ZYG11B: variants seen among roughly 807,000 people sequenced by gnomAD.
ZYG11B encodes zyg-11 family member B, cell cycle regulator, also known as protein zyg-11 homolog B.
In ZYG11B, 36 loss-of-function variants were observed where a neutral mutation model predicts 82.4. The ratio of observed to expected loss-of-function variants is 0.44; its 90% confidence interval spans 0.33 to 0.58. The LOEUF is 0.58. ZYG11B is among the 20% of genes least tolerant of loss of function. The pLI, the probability that ZYG11B is intolerant of heterozygous loss-of-function variation, is 0.02. For synonymous variants in ZYG11B, 303 were observed against 312.8 expected, an observed-to-expected ratio of 0.97 and a Z score of 0.33; for missense variants, 552 against 895.6, an observed-to-expected ratio of 0.62 and a Z score of 4.90.
At chr1:52,778,167 G>A (rs1468520327) in intron 3 of ZYG11B, among the ~76,000 whole-genome samples, 1 of 152,140 alleles carries the variant, frequency 6.6e-6, no homozygotes, top group Non-Finnish European at 1.5e-5. Flanking sequence ...AAAACAATTT[G>A]ATGTCTTTTG....
chr1:52,822,270 G>A lies in ZYG11B; in HGVS notation c.*641G>A, dbSNP rs1645289584. 2 of 152,178 alleles carry A rather than the reference G, an allele frequency of 1.3e-5. No individual in the cohort carries two copies. The highest frequency in any genetic ancestry group is 1.9e-4 in the East Asian group (1 of 5,196). 9.4% of individuals were successfully genotyped at this position (152,178 alleles called of 1,614,324 possible). On this transcript the variant is annotated 3_prime_UTR_variant, in exon 14 of 14. Transcript: ENST00000294353. ...TTTAAAATGAGACAGGCTACCCTTC[G>A]GGAGTCCACCTCTCTTGAGGCGGTG... is the stretch of plus-strand genomic sequence containing the variant.
At chr1:52,729,762 C>G (rs1644314522) in intron 1 of ZYG11B, among the ~76,000 whole-genome samples, 1 of 151,936 alleles carries the variant, frequency 6.6e-6, no homozygotes, top group East Asian at 1.9e-4. Context: ...ATCACTTGAA[C>G]CCAGGAGGTG....
intron 12 of ZYG11B, among the ~76,000 whole-genome samples, chr1:52,814,209 C>T (rs1571801425): frequency 6.6e-6 from 1 of 152,072 alleles, no homozygotes; most frequent in Non-Finnish European, 1.5e-5. Context: ...TTAGTAGAGA[C>T]GAGGTTTCAC....
intron 8 of ZYG11B, among the ~76,000 whole-genome samples, chr1:52,797,316 TATA>T (rs1447033376): frequency 1.1e-4 from 9 of 85,280 alleles, no homozygotes; most frequent in African/African-American, 4.1e-4. Flanking sequence ...AATATATACA[TATA>T]ATATATATAT....
intron 1 of ZYG11B, among the ~76,000 whole-genome samples, chr1:52,753,979 C>T (rs375431024): frequency 2.6e-5 from 4 of 151,982 alleles, no homozygotes; most frequent in Admixed American, 1.3e-4. Flanking sequence ...GATCTGTCTG[C>T]CTCGGCCTCC....
intron 8 of ZYG11B, 123 bp downstream of exon 8, chr1:52,796,907 T>TA (rs1645012492): frequency 9.6e-6 from 1 of 104,112 alleles, no homozygotes; most frequent in African/African-American, 5.3e-5. Flanking sequence ...TAATTATATA[T>TA]ATATTATATA....
chr1:52,817,805 A>T (rs1558145323), intron 13 of ZYG11B, among the ~76,000 whole-genome samples: 2 of 40,428 alleles, frequency 4.9e-5, no homozygotes, highest in African/African-American at 1.0e-4. Flanking sequence ...ATATATATAT[A>T]TATATATATA....
At chr1:52,819,499 C>T (rs1185058649) in intron 13 of ZYG11B, among the ~76,000 whole-genome samples, 2 of 152,008 alleles carry the variant, frequency 1.3e-5, no homozygotes, top group Non-Finnish European at 2.9e-5. Flanking sequence ...AATAATAGTG[C>T]ATTTTTGGCT....
intron 10 of ZYG11B, chr1:52,805,626 G>T (rs1645135678): frequency 5.4e-6 from 2 of 369,208 alleles, no homozygotes; most frequent in Non-Finnish European, 1.1e-5. Flanking sequence ...GCGGTCAGGA[G>T]TTCAAGACCA....
At chr1:52,734,833 A>G (rs1644364980) in intron 1 of ZYG11B, among the ~76,000 whole-genome samples, 1 of 150,936 alleles carries the variant, frequency 6.6e-6, no homozygotes, top group Admixed American at 6.6e-5. Context: ...GGTTCAAACG[A>G]TTTTCCTGCC....
chr1:52,815,777 A>G (rs1357692718), intron 12 of ZYG11B, among the ~76,000 whole-genome samples: 2 of 152,030 alleles, frequency 1.3e-5, no homozygotes, highest in Non-Finnish European at 2.9e-5. Flanking sequence ...TACTAAAAAT[A>G]CAAAAAAATT....
chr1:52,749,183 A>G (rs1466848765), intron 1 of ZYG11B, among the ~76,000 whole-genome samples: 1 of 152,182 alleles, frequency 6.6e-6, no homozygotes, highest in African/African-American at 2.4e-5. Context: ...AGCTTGGACA[A>G]CAAGTGCCAA....
chr1:52,746,206 C>T (rs890232290), intron 1 of ZYG11B, among the ~76,000 whole-genome samples: 4 of 152,080 alleles, frequency 2.6e-5, no homozygotes, highest in East Asian at 3.9e-4. Flanking sequence ...CCCGCCTTGG[C>T]CCCCCAAAAC....
chr1:52,800,346 A>T (rs952619343), intron 8 of ZYG11B, among the ~76,000 whole-genome samples: 1 of 151,996 alleles, frequency 6.6e-6, no homozygotes, highest in African/African-American at 2.4e-5. Context: ...TATAATATAC[A>T]TTAGATAAGT....
rs781624927 is a variant in ZYG11B at position 52,735,036 on chromosome 1, C to CT, written c.30+8366dup. 7.5e-3 allele frequency among the ~76,000 whole-genome samples: 1,047 copies of CT among 138,878 alleles called. 2 individuals carry two copies. The highest frequency in any genetic ancestry group is 0.022 in the Middle Eastern group (5 of 230). The allele number at this position is 138,878 out of a possible 152,430, so 91.1% of individuals were successfully genotyped here. A position where few individuals can be genotyped will look rare whatever the true frequency, so the allele number is the denominator to read the frequency against. ...GAGCCACTGCGCCCGGTCCAAATCA[C>CT]TTTTTTTTTTTTTGAGACGGAGTTT... On this transcript the variant is annotated intron_variant, in intron 1 of 13. Coordinates refer to ENST00000294353, the MANE Select transcript of ZYG11B (RefSeq NM_024646.3).
intron 13 of ZYG11B, among the ~76,000 whole-genome samples, chr1:52,817,777 GTATATATATATATATATATATATATA>G (rs869260265): frequency 8.9e-4 from 37 of 41,540 alleles, no homozygotes; most frequent in Admixed American, 1.7e-3. Context: ...ATATATATGT[GTATATATATATATATATATATATATA>G]TATATATATA....
intron 2 of ZYG11B, among the ~76,000 whole-genome samples, chr1:52,767,115 T>A (rs1290926811): frequency 8.1e-6 from 1 of 123,060 alleles, no homozygotes; most frequent in Non-Finnish European, 1.5e-5. Flanking sequence ...TTTTATGTTG[T>A]TATTTTATTT....
chr1:52,796,973 TATAA>T (rs1195585817), intron 8 of ZYG11B, among the ~76,000 whole-genome samples, 189 bp downstream of exon 8: 23 of 68,880 alleles, frequency 3.3e-4, no homozygotes, highest in African/African-American at 4.2e-4. Flanking sequence ...ATATAATATA[TATAA>T]ATATATATAT....
chr1:52,761,288 C>T (rs1436995782), intron 2 of ZYG11B, among the ~76,000 whole-genome samples: 2 of 152,178 alleles, frequency 1.3e-5, no homozygotes, highest in Non-Finnish European at 2.9e-5. Context: ...GAACTGACTC[C>T]TCCTGTCTAG....
Sources: allele counts gnomAD v4.1 joint callset (sites outside exome capture counted in the v4.1 genomes callset), GRCh38; gene constraint gnomAD v4.1.1; transcripts MANE v1.5; gene names NCBI Gene and HGNC (gene_info 2026-07-23, HGNC 2026-07-21).